Variants in NPLOC4 observed in about 807,000 individuals in gnomAD.
NPLOC4 encodes the protein nuclear protein localization protein 4 homolog.
A neutral mutation model predicts 80.6 loss-of-function variants in NPLOC4; 18 were observed. The observed-to-expected ratio is 0.22, with a 90% CI of 0.15 to 0.33. The LOEUF (loss-of-function observed/expected upper bound fraction) is 0.33. Ranked by LOEUF, NPLOC4 falls within the 10% of genes least tolerant of loss-of-function variation. The pLI, the probability that NPLOC4 is intolerant of heterozygous loss-of-function variation, is 1.00. For synonymous variants in NPLOC4, 313 were observed against 301.5 expected (o/e 1.04, Z -0.39); for missense variants, 540 against 786.1 (o/e 0.69, Z 3.74).
chr17:81,576,109 A>G (rs373146485), intron 12 of NPLOC4, among the ~76,000 whole-genome samples: 10 of 152,372 alleles, frequency 6.6e-5, no homozygotes, highest in African/African-American at 2.4e-4. Flanking sequence ...ATGAGGAGAC[A>G]CAGATACCTT....
intron 12 of NPLOC4, among the ~76,000 whole-genome samples, chr17:81,585,169 C>A (rs1378444844): frequency 1.1e-4 from 1 of 8,820 alleles, no homozygotes; most frequent in Non-Finnish European, 3.1e-4. Context: ...GACTCTGTCG[C>A]CAAAAAAAAA....
rs557125103 is a variant in NPLOC4 at position 81,577,880 on chromosome 17, G to A, written c.1282-5792C>T. ...GCCACAGGGAACTGACATGTGGCCT[G>A]GATTGCCAACACCACCAGCTTCTCA... On this transcript the variant is annotated intron_variant, in intron 12 of 16. Transcript: ENST00000331134. This position sits in a 1 kb window ranked among gnomAD's most constrained non-coding sequence, Gnocchi z 4.3. Among the ~76,000 whole-genome samples, 3 of 152,296 alleles carry A rather than the reference G, an allele frequency of 2.0e-5. No individual in the cohort carries two copies. The East Asian group carries it at 5.8e-4, about 29-fold the overall frequency.
chr17:81,630,868 C>T (rs1416480999), intron 1 of NPLOC4, among the ~76,000 whole-genome samples: 1 of 151,074 alleles, frequency 6.6e-6, no homozygotes, highest in African/African-American at 2.4e-5. Flanking sequence ...CAAAGTGAGA[C>T]CCTGTCTCAA....
intron 3 of NPLOC4, among the ~76,000 whole-genome samples, chr17:81,614,899 G>A (rs1286510283): frequency 6.6e-6 from 1 of 152,082 alleles, no homozygotes; most frequent in Admixed American, 6.6e-5. Flanking sequence ...CACACACAGG[G>A]GACAGTCTGA....
At chr17:81,632,772 C>T (rs2035964202) in intron 1 of NPLOC4, among the ~76,000 whole-genome samples, 1 of 152,174 alleles carries the variant, frequency 6.6e-6, no homozygotes, top group African/African-American at 2.4e-5. Context: ...ACCATAAAGG[C>T]TCAGTCTACT....
At chr17:81,603,297 C>G (rs1055137040) in intron 8 of NPLOC4, among the ~76,000 whole-genome samples, 1 of 151,986 alleles carries the variant, frequency 6.6e-6, no homozygotes, top group Admixed American at 6.5e-5. Context: ...TCTTTTCTAA[C>G]TTTTAAAAAT....
At chr17:81,607,591 T>C (rs2035240353) in intron 6 of NPLOC4, among the ~76,000 whole-genome samples, 1 of 152,158 alleles carries the variant, frequency 6.6e-6, no homozygotes, top group Non-Finnish European at 1.5e-5. Context: ...TTTGGTATCA[T>C]AGCATCTAGG....
intron 12 of NPLOC4, among the ~76,000 whole-genome samples, chr17:81,574,357 A>G (rs62073406): frequency 0.071 from 10,795 of 152,222 alleles, 522 homozygotes; most frequent in Middle Eastern, 0.17. Context: ...CCAAGAAAAT[A>G]AAGGTGTTGT....
In NPLOC4 at chr17:81,596,101, C is replaced by T; in HGVS notation, c.1120+15G>A. The T allele has an allele frequency of 1.2e-6, 2 of 1,611,890 alleles. No individual in the cohort carries two copies. The highest frequency in any genetic ancestry group is 8.5e-7 in the Non-Finnish European group (1 of 1,178,434). On this transcript the variant is annotated intron_variant, in intron 11 of 16. Coordinates refer to ENST00000331134, the MANE Select transcript of NPLOC4 (RefSeq NM_017921.4). ...GAGGTGGTAATATTTACAGTACATA[C>T]TGTCCCTGTTATACCTGTAGCCACT...
chr17:81,617,935 A>T (rs1291208235), intron 3 of NPLOC4, among the ~76,000 whole-genome samples: 1 of 152,214 alleles, frequency 6.6e-6, no homozygotes, highest in Non-Finnish European at 1.5e-5. Context: ...CCGGGATTGC[A>T]GACGGAGTCT....
intron 12 of NPLOC4, among the ~76,000 whole-genome samples, chr17:81,578,055 T>C (rs1162161646): frequency 6.6e-6 from 1 of 152,174 alleles, no homozygotes; most frequent in African/African-American, 2.4e-5. Context: ...TCCTCTAAAC[T>C]TGCTGCCTTC....
intron 16 of NPLOC4, chr17:81,565,065 C>T (rs1444965082): frequency 3.6e-6 from 2 of 549,234 alleles, no homozygotes; most frequent in African/African-American, 1.9e-5. Flanking sequence ...CGGTCCGTTC[C>T]GTAGTGTCCA....
Position 81,588,980 on chromosome 17 carries a change from A to G in NPLOC4, c.1245T>C (p.Ser415=). ...CATCAGGCACGTACTGCTCACTGCT[A>G]GACTCCTTGGCGTAGCCAAGCTCCG... ...DAPELGYAKE[S]SSEQYVPDVF... Residue 415 remains serine, a synonymous_variant, in exon 12 of 17, where the codon TCT becomes TCC. Coordinates refer to ENST00000331134, the MANE Select transcript of NPLOC4 (RefSeq NM_017921.4). 1.9e-6 allele frequency: 3 copies of G among 1,614,056 alleles called. No homozygotes were observed. The highest frequency in any genetic ancestry group is 1.3e-5 in the African/African-American group (1 of 75,080).
chr17:81,630,903 T>C (rs2035911213), intron 1 of NPLOC4, among the ~76,000 whole-genome samples: 1 of 152,072 alleles, frequency 6.6e-6, no homozygotes, highest in African/African-American at 2.4e-5. Flanking sequence ...CTGGGCACAG[T>C]GGCTCCTGCC....
In NPLOC4 at chr17:81,567,349, C is replaced by G. The variant is rs1033083380; in HGVS notation, c.1566+68G>C. The stretch of plus-strand genomic sequence containing the variant: ...TGCTCTGGTCTGGGAGGAAAGAAAG[C>G]AAGACACAGGCGTCTCTTTGCAGCC... On this transcript the variant is annotated intron_variant, in intron 15 of 16. Coordinates refer to ENST00000331134, the MANE Select transcript of NPLOC4 (RefSeq NM_017921.4). The surrounding 1 kb of genome is among the most constrained non-coding windows in gnomAD (Gnocchi z 4.5). The G allele has an allele frequency of 3.2e-6, 3 of 942,866 alleles. No individual in the cohort carries two copies. The African/African-American group carries it at 4.9e-5, about 15-fold the overall frequency. 58.4% of individuals were successfully genotyped at this position (942,866 alleles called of 1,614,324 possible). A position where few individuals can be genotyped will look rare whatever the true frequency, so the allele number is the denominator to read the frequency against.
chr17:81,625,131 A>G (rs2035764454), intron 2 of NPLOC4, among the ~76,000 whole-genome samples: 1 of 152,230 alleles, frequency 6.6e-6, no homozygotes, highest in Non-Finnish European at 1.5e-5. Context: ...CACCAGGCCC[A>G]GCTGACGAGC....
intron 11 of NPLOC4, among the ~76,000 whole-genome samples, chr17:81,595,596 G>A (rs914446316): frequency 6.6e-6 from 1 of 150,538 alleles, no homozygotes; most frequent in Non-Finnish European, 1.5e-5. Flanking sequence ...CCAGGCTGGA[G>A]TGCACTGGCA....
intron 11 of NPLOC4, among the ~76,000 whole-genome samples, chr17:81,595,912 G>C (rs1013289677): frequency 1.3e-5 from 2 of 151,306 alleles, no homozygotes; most frequent in Non-Finnish European, 2.9e-5. Flanking sequence ...ATTCTGTTAT[G>C]AGTTTTGGGG....
At chr17:81,583,986 G>A (rs1056509721) in intron 12 of NPLOC4, among the ~76,000 whole-genome samples, 5 of 152,146 alleles carry the variant, frequency 3.3e-5, no homozygotes, top group Admixed American at 6.5e-5. Flanking sequence ...CATACCTTTA[G>A]TAACCACATG....
Sources: gnomAD v4.1 joint callset for allele counts (sites outside exome capture counted in the v4.1 genomes callset) on GRCh38, gnomAD v4.1.1 for gene constraint, Gnocchi (gnomAD v3.1) non-coding constraint, MANE v1.5 for transcripts, NCBI Gene and HGNC (gene_info 2026-07-23, HGNC 2026-07-21) for gene names.